Variants in SYT1 observed in about 807,000 individuals in gnomAD.
The protein encoded by SYT1 is synaptotagmin-1.
In SYT1, 8 loss-of-function variants were observed where a neutral mutation model predicts 44.8. The ratio of observed to expected loss-of-function variants is 0.18; its 90% CI spans 0.10 to 0.32. The LOEUF is 0.32. Ranked by LOEUF, SYT1 falls within the 10% of genes least tolerant of loss-of-function variation. SYT1 has a pLI of 1.00. For missense variants in SYT1, 286 were observed against 509.3 expected (o/e 0.56, Z 4.22); for synonymous variants, 154 against 188.8 (o/e 0.82, Z 1.51).
At chr12:78,946,692 C>CA (rs960151575) in intron 1 of SYT1, among the ~76,000 whole-genome samples, 12 of 136,250 alleles carry the variant, frequency 8.8e-5, no homozygotes, top group South Asian at 4.6e-4. Flanking sequence ...AAGACTCTGT[C>CA]AAAAAAAAGA....
intron 1 of SYT1, among the ~76,000 whole-genome samples, chr12:78,906,246 GA>G (rs1037815088): frequency 6.6e-6 from 1 of 151,986 alleles, no homozygotes; most frequent in African/African-American, 2.4e-5. Context: ...TCTGGTGATT[GA>G]TTTTATTGTA....
chr12:78,947,853 A>G (rs1214145044), intron 1 of SYT1, among the ~76,000 whole-genome samples: 1 of 151,948 alleles, frequency 6.6e-6, no homozygotes, highest in African/African-American at 2.4e-5. Context: ...GAGAAAAAAA[A>G]AGCCAATATA....
At chr12:79,221,505 T>C (rs1012662835) in intron 4 of SYT1, among the ~76,000 whole-genome samples, 17 of 152,164 alleles carry the variant, frequency 1.1e-4, no homozygotes, top group Admixed American at 1.1e-3. Context: ...TGTCTTCCCT[T>C]GTGGCTAAAT....
intron 3 of SYT1, among the ~76,000 whole-genome samples, chr12:79,097,527 T>C (rs770058984): frequency 5.3e-5 from 8 of 151,948 alleles, no homozygotes; most frequent in African/African-American, 9.7e-5. Context: ...TAGAAACACA[T>C]GTTTCCCTTT....
chr12:79,172,260 T>A (rs921891800), intron 3 of SYT1, among the ~76,000 whole-genome samples: 4 of 151,926 alleles, frequency 2.6e-5, no homozygotes, highest in Admixed American at 1.3e-4. Flanking sequence ...AATGCATACA[T>A]TGAATAACCT....
At chr12:79,223,838 C>T (rs1340083885) in intron 4 of SYT1, among the ~76,000 whole-genome samples, 2 of 152,154 alleles carry the variant, frequency 1.3e-5, no homozygotes, top group African/African-American at 4.8e-5. Flanking sequence ...CTGCCTGGTA[C>T]TGAGTTTTAC....
intron 3 of SYT1, among the ~76,000 whole-genome samples, chr12:79,106,331 T>A (rs543822041): frequency 4.6e-5 from 7 of 152,264 alleles, no homozygotes; most frequent in African/African-American, 1.7e-4. Flanking sequence ...AGTTTATGAA[T>A]GAGATAGGCG....
At chr12:78,942,119 G>T (rs10778320) in intron 1 of SYT1, among the ~76,000 whole-genome samples, 70,447 of 151,954 alleles carry the variant, frequency 0.46, 17,256 homozygotes, top group East Asian at 0.89. Context: ...TCAAACCTGA[G>T]GTCCAAAGAA....
intron 4 of SYT1, among the ~76,000 whole-genome samples, chr12:79,249,734 A>G (rs946188735): frequency 1.3e-5 from 2 of 152,188 alleles, no homozygotes; most frequent in Non-Finnish European, 2.9e-5. Flanking sequence ...ACTCCTATCA[A>G]TGAACCAACA....
At chr12:79,399,544 T>G (rs1186411526) in intron 9 of SYT1, among the ~76,000 whole-genome samples, 3 of 152,238 alleles carry the variant, frequency 2.0e-5, no homozygotes, top group Non-Finnish European at 4.4e-5. Flanking sequence ...TTATCCCATC[T>G]TCCATAACAT....
At chr12:78,984,088 G>A (rs559333083) in intron 2 of SYT1, among the ~76,000 whole-genome samples, 1 of 150,308 alleles carries the variant, frequency 6.7e-6, no homozygotes, top group South Asian at 2.1e-4. Flanking sequence ...TTTATCTAGG[G>A]CAAATCTTAA....
At chr12:78,973,555 T>C (rs1868529295) in intron 1 of SYT1, among the ~76,000 whole-genome samples, 1 of 152,148 alleles carries the variant, frequency 6.6e-6, no homozygotes, top group South Asian at 2.1e-4. Context: ...GCCATTCCAC[T>C]ACATATTGCA....
At chr12:79,049,417 C>G (rs1461231699) in intron 3 of SYT1, among the ~76,000 whole-genome samples, 1 of 151,650 alleles carries the variant, frequency 6.6e-6, no homozygotes, top group Admixed American at 6.6e-5. Context: ...ATTTTAATTA[C>G]CTATTATTTA....
At chr12:79,047,796 G>T (rs1437253277) in intron 3 of SYT1, among the ~76,000 whole-genome samples, 3 of 149,994 alleles carry the variant, frequency 2.0e-5, no homozygotes, top group Non-Finnish European at 4.5e-5. Context: ...ATTAAAAAAT[G>T]GCAGCTATCT....
intron 8 of SYT1, among the ~76,000 whole-genome samples, chr12:79,348,969 AAAAG>A (rs764101228): frequency 1.7e-4 from 25 of 148,720 alleles, no homozygotes; most frequent in African/African-American, 5.8e-4. Context: ...AAAAGAAAGA[AAAAG>A]AAAGAGGAAG....
chr12:79,111,717 T>C (rs963936687), intron 3 of SYT1, among the ~76,000 whole-genome samples: 3 of 151,638 alleles, frequency 2.0e-5, no homozygotes, highest in African/African-American at 7.3e-5. Flanking sequence ...CTAAGAAACT[T>C]GTCTAGATTC....
chr12:79,050,947 T>A (rs1874433294), intron 3 of SYT1, among the ~76,000 whole-genome samples: 1 of 152,038 alleles, frequency 6.6e-6, no homozygotes, highest in South Asian at 2.1e-4. Context: ...ATTCTAATAT[T>A]TTCATTTTAT....
chr12:78,920,095 C>T (rs945544312), intron 1 of SYT1, among the ~76,000 whole-genome samples: 7 of 151,186 alleles, frequency 4.6e-5, no homozygotes, highest in Non-Finnish European at 8.8e-5. Flanking sequence ...AGCTAACTAC[C>T]GAAATTTAAA....
intron 1 of SYT1, among the ~76,000 whole-genome samples, chr12:78,953,865 G>A (rs1592600192): frequency 6.6e-6 from 1 of 151,938 alleles, no homozygotes; most frequent in African/African-American, 2.4e-5. Context: ...TTTGCTTTGG[G>A]CCCTTAGCCA....
Sources: allele counts gnomAD v4.1 joint callset (sites outside exome capture counted in the v4.1 genomes callset), GRCh38; gene constraint gnomAD v4.1.1; transcripts MANE v1.5; gene names NCBI Gene and HGNC (gene_info 2026-07-23, HGNC 2026-07-21).